Variants in SYNE1 observed in about 807,000 individuals in gnomAD.
SYNE1 encodes spectrin repeat containing nuclear envelope protein 1, also known as nesprin-1.
SYNE1 carries 616 observed loss-of-function variants against 1,111.0 expected under a neutral mutation model. The observed-to-expected ratio is 0.55, with a 90% CI of 0.52 to 0.59. The LOEUF is 0.59. Among genes scored for constraint, SYNE1 ranks in the 20% least tolerant of loss-of-function variants. The pLI is 0.00. For synonymous variants in SYNE1, 3,855 were observed against 3,825.8 expected (o/e 1.01, Z -0.28); for missense variants, 10,006 against 10,417.0 (o/e 0.96, Z 1.72).
In SYNE1 at chr6:152,324,326, G is replaced by C. The variant is rs181958321; in HGVS notation, c.15658-589C>G. Among the ~76,000 whole-genome samples, 31 of 152,104 alleles carry C rather than the reference G, an allele frequency of 2.0e-4. No homozygotes were observed. In the East Asian group the frequency reaches 5.8e-3, roughly 29 times the overall value. ...AGGCAGGAGAATTGCTTGAACCCAGGGGGTGGAGGTTGCAGTGAGCTGAGA... is the reference window on the plus strand; with the variant it reads ...AGGCAGGAGAATTGCTTGAACCCAGCGGGTGGAGGTTGCAGTGAGCTGAGA... On this transcript the variant is annotated intron_variant, in intron 81 of 145. Transcript: ENST00000367255.
chr6:152,221,678 T>C lies in SYNE1; in HGVS notation c.21523-119A>G, dbSNP rs2080214013. On this transcript the variant is annotated intron_variant, in intron 117 of 145. Transcript: ENST00000367255. ...TACATATACTTGTATAAACCAGGCATGACTTAGCACCAATGCTTTATCAGC... is the reference window on the plus strand; with the variant it reads ...TACATATACTTGTATAAACCAGGCACGACTTAGCACCAATGCTTTATCAGC... 5.0e-5 allele frequency: 65 copies of C among 1,296,384 alleles called. 1 individual carries two copies. In the South Asian group the frequency reaches 7.3e-4, roughly 15 times the overall value. The allele number at this position is 1,296,384 out of a possible 1,614,324, so 80.3% of individuals were successfully genotyped here. A position where few individuals can be genotyped will look rare whatever the true frequency, so the allele number is the denominator to read the frequency against.
chr6:152,419,339 A>G (rs1237627113), intron 40 of SYNE1, among the ~76,000 whole-genome samples: 1 of 152,166 alleles, frequency 6.6e-6, no homozygotes, highest in Non-Finnish European at 1.5e-5. Flanking sequence ...ATGAAGAGAA[A>G]GTGTCTTAAG....
intron 38 of SYNE1, among the ~76,000 whole-genome samples, chr6:152,427,407 A>G (rs1334915725): frequency 2.0e-5 from 3 of 151,864 alleles, no homozygotes; most frequent in African/African-American, 7.3e-5. Context: ...CCTTTCCTCA[A>G]CTCCTTTGCC....
At position 152,284,148 on chromosome 6, in the gene SYNE1, G is replaced by A. The variant is rs1180131825; in HGVS notation, c.18037C>T (p.Leu6013Phe). Residue 6013 changes from leucine (L) to phenylalanine (F), a missense_variant, in exon 96 of 146, where the codon CTC becomes TTC. Around this residue, in one of 7 missense-constraint regions of SYNE1, gnomAD observed 4,955 missense variants for 5,017.2 expected, o/e 0.99. Transcript: ENST00000367255. The stretch of plus-strand genomic sequence containing the variant: ...TGGAGCTCATTGATTTCATCCTGGA[G>A]CATGAGAATCTCATCCATCAATGCC... ...HQALMDEILM[L>F]QDEINELQSS... The A allele has an allele frequency of 6.2e-7, 1 of 1,614,066 alleles. No individual in the cohort carries two copies. The highest frequency in any genetic ancestry group is 8.5e-7 in the Non-Finnish European group (1 of 1,180,038).
chr6:152,360,958 A>T (rs28699402), intron 64 of SYNE1, among the ~76,000 whole-genome samples: 1 of 152,186 alleles, frequency 6.6e-6, no homozygotes, highest in African/African-American at 2.4e-5. Context: ...ACTGAAGGAG[A>T]GGGACATGCA....
chr6:152,411,709 T>C (rs928904751), intron 42 of SYNE1, among the ~76,000 whole-genome samples: 34 of 122,356 alleles, frequency 2.8e-4, no homozygotes, highest in African/African-American at 1.2e-3. Context: ...GCACTTAAAG[T>C]CACACACACA....
intron 58 of SYNE1, 67 bp downstream of exon 58, chr6:152,376,314 C>T (rs2097281517): frequency 6.3e-7 from 1 of 1,577,656 alleles, no homozygotes; most frequent in Non-Finnish European, 8.7e-7. Context: ...GATGGGGACC[C>T]TTGATTTAGA....
At chr6:152,419,888 A>G (rs1323268785) in intron 39 of SYNE1, among the ~76,000 whole-genome samples, 166 bp from the exon 40 acceptor site, 2 of 152,164 alleles carry the variant, frequency 1.3e-5, no homozygotes, top group African/African-American at 4.8e-5. Flanking sequence ...TTTACTCACA[A>G]TCTTCCCTGT....
intron 3 of SYNE1, among the ~76,000 whole-genome samples, chr6:152,573,972 G>T (rs1356160869): frequency 6.6e-6 from 1 of 151,966 alleles, no homozygotes; most frequent in Non-Finnish European, 1.5e-5. Flanking sequence ...TGGGAGCTGG[G>T]GGAAGCAAAA....
At chr6:152,604,349 C>T in intron 3 of SYNE1, among the ~76,000 whole-genome samples, 1 of 152,136 alleles carries the variant, frequency 6.6e-6, no homozygotes. Flanking sequence ...GTCACCCAGG[C>T]TGGAGTGCAG....
intron 63 of SYNE1, chr6:152,363,682 C>T: frequency 4.4e-6 from 2 of 453,808 alleles, no homozygotes; most frequent in South Asian, 3.1e-5. Context: ...AGTTGGACTT[C>T]TAATTGCTCC....
At chr6:152,160,418 C>T (rs1271393756) in intron 131 of SYNE1, among the ~76,000 whole-genome samples, 1 of 152,192 alleles carries the variant, frequency 6.6e-6, no homozygotes, top group Non-Finnish European at 1.5e-5. Flanking sequence ...GCCCCTGCTC[C>T]CATCTGGACA....
intron 11 of SYNE1, among the ~76,000 whole-genome samples, chr6:152,496,872 G>A (rs2099002354): frequency 6.6e-6 from 1 of 152,126 alleles, no homozygotes; most frequent in Non-Finnish European, 1.5e-5. Context: ...CACCATTGTG[G>A]TTTGTTCCTG....
intron 69 of SYNE1, among the ~76,000 whole-genome samples, chr6:152,353,037 A>G (rs1023005505): frequency 2.6e-5 from 4 of 152,222 alleles, no homozygotes; most frequent in Non-Finnish European, 5.9e-5. Flanking sequence ...GAAGACTTTC[A>G]TGGGTGTCCA....
chr6:152,563,344 C>G (rs2128239395), intron 3 of SYNE1, among the ~76,000 whole-genome samples: 1 of 152,222 alleles, frequency 6.6e-6, no homozygotes, highest in African/African-American at 2.4e-5. Context: ...CATCCTTACC[C>G]CCTGCTTACT....
intron 8 of SYNE1, among the ~76,000 whole-genome samples, chr6:152,507,002 CT>C (rs892825749): frequency 2.9e-4 from 44 of 152,220 alleles, no homozygotes; most frequent in African/African-American, 9.9e-4. Flanking sequence ...AATAAATATC[CT>C]AAAAACAATT....
intron 3 of SYNE1, among the ~76,000 whole-genome samples, chr6:152,597,480 T>G (rs1245401893): frequency 6.6e-6 from 1 of 152,148 alleles, no homozygotes; most frequent in African/African-American, 2.4e-5. Flanking sequence ...GGAAATGGCA[T>G]CTCACTATGT....
intron 14 of SYNE1, among the ~76,000 whole-genome samples, chr6:152,479,380 C>T (rs1201730275): frequency 6.6e-6 from 1 of 152,210 alleles, no homozygotes; most frequent in Non-Finnish European, 1.5e-5. Flanking sequence ...CTAATGGCTA[C>T]TTTCATGATT....
At chr6:152,552,115 T>C (rs538609375) in intron 3 of SYNE1, among the ~76,000 whole-genome samples, 2 of 152,284 alleles carry the variant, frequency 1.3e-5, no homozygotes, top group East Asian at 3.9e-4. Context: ...CAAAATACAT[T>C]GTTTGGTGTG....
Sources: allele counts gnomAD v4.1 joint callset (sites outside exome capture counted in the v4.1 genomes callset), GRCh38; gene constraint gnomAD v4.1.1; regional missense constraint gnomAD v4.1.1; transcripts MANE v1.5; gene names NCBI Gene and HGNC (gene_info 2026-07-23, HGNC 2026-07-21).